Variants in MITF observed in about 807,000 individuals in gnomAD.
MITF encodes the protein melanocyte inducing transcription factor.
MITF carries 17 observed loss-of-function variants against 60.5 expected under a neutral mutation model. The ratio of observed to expected loss-of-function variants is 0.28; its 90% CI spans 0.19 to 0.42. The LOEUF is 0.42. MITF is among the 10% of genes least tolerant of loss of function. The pLI is 1.00. For synonymous variants in MITF, 260 were observed against 248.5 expected (o/e 1.05, Z -0.43); for missense variants, 622 against 683.5 (o/e 0.91, Z 1.00).
intron 7 of MITF, 59 bp from the exon 8 acceptor site, chr3:69,956,396 G>A (rs2066398202): frequency 7.5e-7 from 1 of 1,327,742 alleles, no homozygotes; most frequent in African/African-American, 1.4e-5. Flanking sequence ...TTAATGAGAT[G>A]TGCTAAATGC....
intron 4 of MITF, among the ~76,000 whole-genome samples, chr3:69,940,503 A>G (rs2065944297): frequency 6.6e-6 from 1 of 152,202 alleles, no homozygotes; most frequent in African/African-American, 2.4e-5. Context: ...AAATTGATCT[A>G]GTGGGAATGT....
intron 1 of MITF, among the ~76,000 whole-genome samples, chr3:69,845,442 C>CTTTTTT (rs751773040): frequency 7.3e-6 from 1 of 136,810 alleles, no homozygotes; most frequent in Admixed American, 7.4e-5. Flanking sequence ...TTTTTTCTTT[C>CTTTTTT]TTTTTTTTTT....
chr3:69,959,204 C>A, intron 8 of MITF, 69 bp from the exon 9 acceptor site: 2 of 1,571,074 alleles, frequency 1.3e-6, no homozygotes, highest in Non-Finnish European at 1.7e-6. Context: ...AAATGGAGTG[C>A]TTTGAATATT....
At chr3:69,849,820 C>G (rs2063795311) in intron 1 of MITF, among the ~76,000 whole-genome samples, 1 of 152,196 alleles carries the variant, frequency 6.6e-6, no homozygotes, top group Non-Finnish European at 1.5e-5. Flanking sequence ...ATTGAAGGTC[C>G]ATCATCCCTG....
chr3:69,768,171 C>T lies in MITF; in HGVS notation c.104+28470C>T, dbSNP rs143816518. ...GGTGCATGAGCAAAATTCTTAGGGT[C>T]CATGCTCTCCACAGATTCCCCTCCT... is the stretch of plus-strand genomic sequence containing the variant. On this transcript the variant is annotated intron_variant, in intron 1 of 9. Coordinates refer to ENST00000352241, the MANE Select transcript of MITF (RefSeq NM_001354604.2). 3.6e-3 allele frequency among the ~76,000 whole-genome samples: 542 copies of T among 152,286 alleles called. 3 individuals are homozygous for T. Among genetic ancestry groups the T allele is most frequent in the South Asian group, 0.017 (81 of 4,820 alleles).
intron 2 of MITF, chr3:69,936,466 A>G (rs902464131): frequency 1.3e-5 from 8 of 606,450 alleles, no homozygotes; most frequent in Admixed American, 3.8e-5. Flanking sequence ...GGAAAAATTG[A>G]TATCAACATT....
intron 5 of MITF, among the ~76,000 whole-genome samples, chr3:69,941,949 T>A (rs1272879654): frequency 6.6e-6 from 1 of 152,174 alleles, no homozygotes; most frequent in Admixed American, 6.6e-5. Flanking sequence ...GTCCTTGCAG[T>A]TATTCTGTGA....
At chr3:69,882,393 A>G (rs1254497090) in intron 2 of MITF, among the ~76,000 whole-genome samples, 3 of 152,300 alleles carry the variant, frequency 2.0e-5, no homozygotes, top group Non-Finnish European at 2.9e-5. Flanking sequence ...TTATTGCTAT[A>G]TATTTACATA....
At chr3:69,920,124 G>A (rs2065429723) in intron 2 of MITF, among the ~76,000 whole-genome samples, 1 of 152,186 alleles carries the variant, frequency 6.6e-6, no homozygotes, top group Non-Finnish European at 1.5e-5. Context: ...GGGACTTAGT[G>A]AGGTGTGACC....
rs571843340 is a variant in MITF at position 69,747,542 on chromosome 3, G to A, written c.104+7841G>A. ...GATAAAAGGTAATGTATGTAAAGCA[G>A]CTAATATTAGGCTTGAGGCTTAGTA... is the stretch of plus-strand genomic sequence containing the variant. On this transcript the variant is annotated intron_variant, in intron 1 of 9. Transcript: ENST00000352241. 3.9e-5 allele frequency among the ~76,000 whole-genome samples: 6 copies of A among 152,344 alleles called. No homozygotes were observed. The South Asian group carries it at 1.2e-3, about 32-fold the overall frequency.
intron 1 of MITF, among the ~76,000 whole-genome samples, chr3:69,783,946 C>T (rs530630745): frequency 1.3e-5 from 2 of 152,244 alleles, no homozygotes; most frequent in East Asian, 3.9e-4. Context: ...GATAAAGATT[C>T]AACTTAATTT....
chr3:69,948,178 C>T (rs1054613019), intron 5 of MITF, among the ~76,000 whole-genome samples: 8 of 152,022 alleles, frequency 5.3e-5, no homozygotes, highest in Admixed American at 2.0e-4. Context: ...GGTCAGTCAA[C>T]GATTTCTCCA....
chr3:69,884,111 T>C lies in MITF; in HGVS notation c.354+4728T>C, dbSNP rs527609966. Reference sequence around the variant, plus strand: ...TTCTCTCTCTTTAAAACTCACGTTATTGACTTTTTAAATTGCAGATAATAC... The same window carrying C: ...TTCTCTCTCTTTAAAACTCACGTTACTGACTTTTTAAATTGCAGATAATAC... On this transcript the variant is annotated intron_variant, in intron 2 of 9. Coordinates refer to ENST00000352241, the MANE Select transcript of MITF (RefSeq NM_001354604.2). Among the ~76,000 whole-genome samples, 10 of 152,274 alleles carry C rather than the reference T, an allele frequency of 6.6e-5. No homozygotes were observed. The East Asian group carries it at 1.9e-3, about 29-fold the overall frequency.
At chr3:69,768,398 A>G (rs1348037634) in intron 1 of MITF, among the ~76,000 whole-genome samples, 1 of 152,230 alleles carries the variant, frequency 6.6e-6, no homozygotes, top group Non-Finnish European at 1.5e-5. Context: ...TAGATTGACA[A>G]GCATCTAGAA....
chr3:69,865,020 G>A (rs981736037), intron 1 of MITF, among the ~76,000 whole-genome samples: 1 of 152,042 alleles, frequency 6.6e-6, no homozygotes, highest in Non-Finnish European at 1.5e-5. Context: ...CCATTAGACT[G>A]TAAACTCCAC....
At chr3:69,901,317 GTGT>G (rs2064991479) in intron 2 of MITF, among the ~76,000 whole-genome samples, 1 of 151,790 alleles carries the variant, frequency 6.6e-6, no homozygotes, top group African/African-American at 2.4e-5. Context: ...TAAATATAGT[GTGT>G]TGTTAATAAT....
intron 3 of MITF, 113 bp from the exon 4 acceptor site, chr3:69,938,985 T>A: frequency 6.5e-7 from 1 of 1,547,166 alleles, no homozygotes; most frequent in Non-Finnish European, 8.7e-7. Context: ...GATTCCACTT[T>A]GTTTGAAAGC....
intron 2 of MITF, among the ~76,000 whole-genome samples, chr3:69,892,546 A>G (rs768468405): frequency 2.0e-5 from 3 of 152,242 alleles, no homozygotes; most frequent in Non-Finnish European, 4.4e-5. Flanking sequence ...AGTATCATAG[A>G]CAGTATTTTT....
intron 1 of MITF, among the ~76,000 whole-genome samples, chr3:69,751,633 A>C (rs920760207): frequency 3.3e-5 from 5 of 150,006 alleles, no homozygotes; most frequent in Non-Finnish European, 7.4e-5. Context: ...ACTGGTTAAG[A>C]CTTCTAACCA....
Sources: gnomAD v4.1 joint callset for allele counts (sites outside exome capture counted in the v4.1 genomes callset) on GRCh38, gnomAD v4.1.1 for gene constraint, MANE v1.5 for transcripts, NCBI Gene and HGNC (gene_info 2026-07-23, HGNC 2026-07-21) for gene names.